The following PDZD9 variants were observed in gnomAD, a reference collection of about 807,000 sequenced individuals.
PDZD9 encodes PDZ domain containing 9.
PDZD9 carries 13 observed loss-of-function variants against 16.3 expected under a neutral mutation model. That is an observed-to-expected ratio of 0.80 (90% CI 0.52 to 1.27). The LOEUF is 1.27. PDZD9 is among the 50% of genes most tolerant of loss of function. The probability of loss-of-function intolerance (pLI) is 0.00; values close to 1 mark genes in which losing one functional copy is unlikely to be tolerated. For synonymous variants in PDZD9, 120 were observed against 111.0 expected, an observed-to-expected ratio of 1.08 and a Z score of -0.51; for missense variants, 288 against 310.9, an observed-to-expected ratio of 0.93 and a Z score of 0.55.
chr16:21,984,879 A>G (rs1898837735), intron 3 of PDZD9, among the ~76,000 whole-genome samples: 2 of 152,200 alleles, frequency 1.3e-5, no homozygotes, highest in Admixed American at 1.3e-4. Context: ...TTACTTCACC[A>G]TACCTTAAAA....
At chr16:21,962,620 G>A in the PDZD9 span, 1 of 1,592,492 alleles carries the variant, frequency 6.3e-7, no homozygotes, top group Non-Finnish European at 8.6e-7. Flanking sequence ...TTCCATTTTG[G>A]ATTATTGTTC....
the PDZD9 span, among the ~76,000 whole-genome samples, chr16:21,959,186 C>T: frequency 6.6e-6 from 1 of 152,276 alleles, no homozygotes; most frequent in East Asian, 1.9e-4. Flanking sequence ...CATTGATTGA[C>T]TCTTCCTTTT....
the PDZD9 span, chr16:21,971,889 TTTC>T: frequency 1.2e-6 from 2 of 1,611,040 alleles, no homozygotes; most frequent in East Asian, 2.2e-5. Flanking sequence ...AACAAGCCAT[TTTC>T]TTCTTCCCTC....
the PDZD9 span, chr16:21,957,564 C>G: frequency 1.9e-6 from 3 of 1,613,960 alleles, no homozygotes; most frequent in Non-Finnish European, 2.5e-6. Context: ...TACATCCAGT[C>G]TGGTGAGTAT....
At chr16:21,972,123 G>T in the PDZD9 span, 1 of 1,612,290 alleles carries the variant, frequency 6.2e-7, no homozygotes, top group Middle Eastern at 1.7e-4. Flanking sequence ...GCCATTTGAT[G>T]TGAGTCTGAA....
chr16:21,958,260 ACT>A, the PDZD9 span, among the ~76,000 whole-genome samples: 6 of 152,136 alleles, frequency 3.9e-5, no homozygotes, highest in African/African-American at 9.7e-5. Context: ...AAGAAAATTA[ACT>A]CTTTTTTTCC....
At chr16:21,990,086 G>A (rs979773993) in intron 2 of PDZD9, among the ~76,000 whole-genome samples, 2 of 152,146 alleles carry the variant, frequency 1.3e-5, no homozygotes, top group African/African-American at 4.8e-5. Flanking sequence ...GGGAGATTCT[G>A]TCAGACTCAG....
At chr16:21,993,606 G>T (rs1899076093) in intron 2 of PDZD9, among the ~76,000 whole-genome samples, 1 of 152,060 alleles carries the variant, frequency 6.6e-6, no homozygotes, top group African/African-American at 2.4e-5. Context: ...AACATAAACT[G>T]CCCTGTCCCA....
the PDZD9 span, chr16:21,973,987 A>C: frequency 1.6e-5 from 26 of 1,594,194 alleles, no homozygotes; most frequent in Non-Finnish European, 2.0e-5. Context: ...GTAAGTTGCA[A>C]ACTCACCAAA....
At chr16:21,980,830 A>C, downstream of PDZD9, 1 of 1,074,010 alleles carries the variant, frequency 9.3e-7, no homozygotes, top group Non-Finnish European at 1.3e-6. Flanking sequence ...CTTAATGTGG[A>C]GGCAGGAGGG....
chr16:21,999,175 AG>A (rs1364073046), intron 1 of PDZD9: 1 of 165,300 alleles, frequency 6.0e-6, no homozygotes, highest in African/African-American at 2.4e-5. Context: ...TTTTAGGCAA[AG>A]GCTCTTCACA....
downstream of PDZD9, chr16:21,983,178 T>G (rs1219222894): frequency 6.2e-7 from 1 of 1,612,672 alleles, no homozygotes; most frequent in African/African-American, 1.3e-5. Flanking sequence ...GTAATACTGA[T>G]GCACACATTA....
chr16:21,961,626 T>TATATATATA, the PDZD9 span, among the ~76,000 whole-genome samples: 1 of 64,476 alleles, frequency 1.6e-5, no homozygotes, highest in Non-Finnish European at 4.3e-5. Flanking sequence ...AACATAAAAT[T>TATATATATA]TATATATATA....
At chr16:21,957,930 CTTCT>C in the PDZD9 span, among the ~76,000 whole-genome samples, 15 of 152,336 alleles carry the variant, frequency 9.8e-5, no homozygotes, top group Admixed American at 8.5e-4. Flanking sequence ...CATGGCCTTC[CTTCT>C]GTCTGTGTCC....
chr16:21,963,776 A>G, the PDZD9 span, among the ~76,000 whole-genome samples: 1 of 151,982 alleles, frequency 6.6e-6, no homozygotes, highest in Non-Finnish European at 1.5e-5. Flanking sequence ...ACCCCTAGTG[A>G]TTTTTAAGAG....
the PDZD9 span, among the ~76,000 whole-genome samples, chr16:21,968,000 CTTT>C: frequency 7.3e-6 from 1 of 137,112 alleles, no homozygotes; most frequent in African/African-American, 2.7e-5. Context: ...CTTTTTATTC[CTTT>C]TTTTTTTTTT....
intron 3 of PDZD9, 102 bp from the exon 4 acceptor site, chr16:21,984,762 C>A (rs759204284): frequency 3.0e-5 from 26 of 875,162 alleles, no homozygotes; most frequent in Non-Finnish European, 4.1e-5. Context: ...ATAAAAGATA[C>A]AATTTAGCTT....
At chr16:21,958,620 A>G in the PDZD9 span, 1 of 1,590,922 alleles carries the variant, frequency 6.3e-7, no homozygotes. Flanking sequence ...TAAGTAATAG[A>G]AAATAGTGAA....
At chr16:21,995,198 C>G in intron 2 of PDZD9, 1 of 457,314 alleles carries the variant, frequency 2.2e-6, no homozygotes, top group Non-Finnish European at 4.4e-6. Flanking sequence ...GCACCTCCCC[C>G]TACTCTCTCT....
Sources: gnomAD v4.1 joint callset for allele counts (sites outside exome capture counted in the v4.1 genomes callset) on GRCh38, gnomAD v4.1.1 for gene constraint, MANE v1.5 for transcripts, NCBI Gene and HGNC (gene_info 2026-07-23, HGNC 2026-07-21) for gene names.